The following HOXA10 variants were observed in gnomAD, a reference collection of about 807,000 sequenced individuals.
HOXA10 encodes homeobox protein Hox-A10.
A neutral mutation model predicts 29.7 loss-of-function variants in HOXA10; 12 were observed. That is an observed-to-expected ratio of 0.40 (90% CI 0.26 to 0.65). The LOEUF (loss-of-function observed/expected upper bound fraction) is 0.65, where lower values mean the gene tolerates loss of function less well. Ranked by LOEUF, HOXA10 falls within the 30% of genes least tolerant of loss-of-function variation. HOXA10 has a pLI of 0.37. For synonymous variants in HOXA10, 327 were observed against 280.7 expected, an observed-to-expected ratio of 1.16 and a Z score of -1.65; for missense variants, 656 against 585.9, an observed-to-expected ratio of 1.12 and a Z score of -1.24.
In HOXA10 at chr7:27,173,570, G is replaced by A. The variant is rs1021615518; in HGVS notation, c.737C>T (p.Pro246Leu). The A allele has an allele frequency of 9.5e-6, 14 of 1,467,228 alleles. No individual in the cohort carries two copies. The African/African-American group carries it at 1.5e-4, about 16-fold the overall frequency. 90.9% of individuals were successfully genotyped at this position (1,467,228 alleles called of 1,614,324 possible). Residue 246 changes from proline (P) to leucine (L), a missense_variant, in exon 1 of 2, where the codon CCG (proline) becomes CTG (leucine). Pro to Leu is a moderately conservative substitution (Grantham distance 98). Transcript: ENST00000283921. The part of the protein sequence containing the change: ...LGAGPFPAQP[P>L]GRGFDLPPAL... ...GGGCGGGAGATCGAAACCGCGCCCC[G>A]GGGGCTGCGCGGGGAACGGGCCAGC...
In HOXA10 at chr7:27,174,172, A is replaced by T; in HGVS notation, c.135T>A (p.Gly45=). The T allele has an allele frequency of 6.3e-7, 1 of 1,596,692 alleles. No homozygotes were observed. Among genetic ancestry groups the T allele is most frequent in the South Asian group, 1.1e-5 (1 of 90,180 alleles). The part of the protein sequence containing the change: ...ISSGRGEAGG[G]GGGAGGGGGG... ...CGCCGCCGCCCCCCGCGCCACCACCACCGCCGCCTGCCTCGCCTCTGCCCG... is the reference window on the plus strand; with the variant it reads ...CGCCGCCGCCCCCCGCGCCACCACCTCCGCCGCCTGCCTCGCCTCTGCCCG... Residue 45 remains glycine (G), a synonymous_variant, in exon 1 of 2, where the codon GGT becomes GGA. Transcript: ENST00000283921.
upstream of HOXA10, chr7:27,175,155 C>G (rs1206356193): frequency 6.6e-6 from 1 of 152,236 alleles, no homozygotes; most frequent in African/African-American, 2.4e-5. Context: ...CTCCCAAGGC[C>G]AGAGCCAGAT....
upstream of HOXA10, among the ~76,000 whole-genome samples, chr7:27,177,327 T>C (rs905936435): frequency 6.6e-6 from 1 of 152,228 alleles, no homozygotes; most frequent in Admixed American, 6.5e-5. Flanking sequence ...GAGCTCCTTC[T>C]GGCTTTTAAA....
At position 27,174,258 on chromosome 7, in the gene HOXA10, T is replaced by A; in HGVS notation, c.49A>T (p.Thr17Ser). The stretch of plus-strand genomic sequence containing the variant: ...GCGGGGCTCTCCGAGCATGACATTG[T>A]TGTGGGATAATTTGGCGAAGGGAGC... ...YLLPSPNYPT[T>S]MSCSESPAAN... Residue 17 changes from threonine (T) to serine (S), a missense_variant, in exon 1 of 2, where the codon ACA (threonine) becomes TCA (serine). By Grantham distance (58) the Thr-to-Ser change is moderately conservative. Coordinates refer to ENST00000283921, the MANE Select transcript of HOXA10 (RefSeq NM_018951.4). 6.3e-7 allele frequency: 1 copy of A among 1,599,432 alleles called. No homozygotes were observed. The highest frequency in any genetic ancestry group is 1.1e-5 in the South Asian group (1 of 91,080).
At chr7:27,179,101 C>T (rs1220777473), upstream of HOXA10, among the ~76,000 whole-genome samples, 1 of 152,232 alleles carries the variant, frequency 6.6e-6, no homozygotes, top group African/African-American at 2.4e-5. Context: ...GTCTGGCACT[C>T]TCAAAAATCA....
intron 1 of HOXA10, chr7:27,179,560 A>G: frequency 1.4e-6 from 1 of 735,108 alleles, no homozygotes; most frequent in Non-Finnish European, 2.5e-6. Context: ...AAACCCAGCC[A>G]CGTTCCCGAG....
At chr7:27,178,701 G>A (rs542752854), upstream of HOXA10, among the ~76,000 whole-genome samples, 9 of 152,192 alleles carry the variant, frequency 5.9e-5, no homozygotes, top group Admixed American at 2.6e-4. Flanking sequence ...CAAAATTTAC[G>A]CAACAAACAG....
At chr7:27,172,729 A>G (rs903834165) in intron 1 of HOXA10, 1 of 169,996 alleles carries the variant, frequency 5.9e-6, no homozygotes, top group Non-Finnish European at 1.3e-5. Context: ...CCAGGGATAG[A>G]TAGCTGGGCG....
At chr7:27,173,112 A>C in intron 1 of HOXA10, 1 of 612,170 alleles carries the variant, frequency 1.6e-6, no homozygotes. Context: ...CCTCGTCCCT[A>C]GTCAGGGGGA....
chr7:27,171,412 C>A lies in HOXA10; in HGVS notation c.*487G>T, dbSNP rs573420935. ...AAAAAGAAACCCAGGGGCCTGTATC[C>A]CCTGATTAAACACAGCACAGCACTC... is the stretch of plus-strand genomic sequence containing the variant. On this transcript the variant is annotated 3_prime_UTR_variant, in exon 2 of 2. Coordinates refer to ENST00000283921, the MANE Select transcript of HOXA10 (RefSeq NM_018951.4). 6.6e-6 allele frequency: 3 copies of A among 455,308 alleles called. No individual in the cohort carries two copies. The highest frequency in any genetic ancestry group is 4.7e-5 in the Admixed American group (2 of 42,590). 28.2% of individuals were successfully genotyped at this position (455,308 alleles called of 1,614,324 possible).
chr7:27,177,911 G>A (rs1378675538), upstream of HOXA10, among the ~76,000 whole-genome samples: 1 of 152,128 alleles, frequency 6.6e-6, no homozygotes, highest in Admixed American at 6.5e-5. Context: ...AGGAAATATT[G>A]CCCATTTCTA....
At chr7:27,174,541 G>T (rs1783612478), upstream of HOXA10, among the ~76,000 whole-genome samples, 1 of 152,244 alleles carries the variant, frequency 6.6e-6, no homozygotes, top group African/African-American at 2.4e-5. Context: ...AGCTGTGGGG[G>T]CTGCCCCAAC....
upstream of HOXA10, among the ~76,000 whole-genome samples, chr7:27,178,237 A>G (rs2115456819): frequency 6.6e-6 from 1 of 152,352 alleles, no homozygotes; most frequent in African/African-American, 2.4e-5. Context: ...ATCTGGCTTT[A>G]GCAAAAAAAG....
upstream of HOXA10, chr7:27,174,365 C>G (rs1234704532): frequency 1.2e-5 from 19 of 1,584,360 alleles, 1 homozygote; most frequent in Middle Eastern, 6.6e-4. Flanking sequence ...GGCGGGCGCC[C>G]GCAGCCAATC....
At position 27,171,726 on chromosome 7, in the gene HOXA10, A is replaced by C. The variant is rs773536601; in HGVS notation, c.*173T>G. On this transcript the variant is annotated 3_prime_UTR_variant, in exon 2 of 2. Coordinates refer to ENST00000283921, the MANE Select transcript of HOXA10 (RefSeq NM_018951.4). ...AACCAGCACCAAGCAAACACAAAGA[A>C]ACAAAAAGTCAGAACAAACCAGCCC... 1 of 775,998 alleles carries C rather than the reference A, an allele frequency of 1.3e-6. No individual in the cohort carries two copies. Among genetic ancestry groups the C allele is most frequent in the Non-Finnish European group, 2.3e-6 (1 of 429,520 alleles). 48.1% of individuals were successfully genotyped at this position (775,998 alleles called of 1,614,324 possible).
At position 27,173,863 on chromosome 7, in the gene HOXA10, G is replaced by C; in HGVS notation, c.444C>G (p.Pro148=). The change falls in exon 1 of 2, where the codon CCC becomes CCG. Residue 148 remains proline (P), a synonymous_variant. Transcript: ENST00000283921. The part of the protein sequence containing the change: ...QQQPPPPPQP[P]QPAPQATSCS... ...ACGAGGTGGCCTGCGGCGCTGGCTG[G>C]GGTGGTTGCGGCGGGGGCGGCGGCT... The C allele has an allele frequency of 1.3e-6, 2 of 1,599,140 alleles. No homozygotes were observed. Among genetic ancestry groups the C allele is most frequent in the East Asian group, 2.3e-5 (1 of 43,758 alleles).
At position 27,173,805 on chromosome 7, in the gene HOXA10, A is replaced by C; in HGVS notation, c.502T>G (p.Ser168Ala). The C allele has an allele frequency of 6.2e-7, 1 of 1,611,262 alleles. No individual in the cohort carries two copies. Among genetic ancestry groups the C allele is most frequent in the East Asian group, 2.2e-5 (1 of 44,756 alleles). ...TCCGCCGAGTCGTAGAGGCAGTAGG[A>C]GCTCTCTTCTTTGATGTTCTGCGCG... ...SFAQNIKEESSYCLYDSADKC... is the reference protein window; with the variant it reads ...SFAQNIKEESAYCLYDSADKC... Residue 168 changes from serine (S) to alanine (A), a missense_variant, in exon 1 of 2, where the codon TCC (serine) becomes GCC (alanine). Coordinates refer to ENST00000283921, the MANE Select transcript of HOXA10 (RefSeq NM_018951.4).
At position 27,173,808 on chromosome 7, in the gene HOXA10, T is replaced by G; in HGVS notation, c.499A>C (p.Ser167Arg). The change falls in exon 1 of 2, where the codon AGC (serine) becomes CGC (arginine). Residue 167 changes from serine to arginine, a missense_variant. Physicochemically the swap from Ser to Arg is moderately radical, Grantham distance 110 (BLOSUM62 -1). Transcript: ENST00000283921. ...CSFAQNIKEE[S>R]SYCLYDSADK... ...GCCGAGTCGTAGAGGCAGTAGGAGC[T>G]CTCTTCTTTGATGTTCTGCGCGAAA... 6.2e-7 allele frequency: 1 copy of G among 1,611,298 alleles called. No individual in the cohort carries two copies. Among genetic ancestry groups the G allele is most frequent in the South Asian group, 1.1e-5 (1 of 90,796 alleles).
chr7:27,174,166 A>G lies in HOXA10; in HGVS notation c.141T>C (p.Gly47=), dbSNP rs1477239396. The change falls in exon 1 of 2, where the codon GGT becomes GGC. Residue 47 remains glycine (G), a synonymous_variant. Coordinates refer to ENST00000283921, the MANE Select transcript of HOXA10 (RefSeq NM_018951.4). The part of the protein sequence containing the change: ...SGRGEAGGGG[G]GAGGGGGGGY... ...CGCCACCGCCGCCGCCCCCCGCGCC[A>G]CCACCACCGCCGCCTGCCTCGCCTC... 4 of 1,596,572 alleles carry G rather than the reference A, an allele frequency of 2.5e-6. No homozygotes were observed. Among genetic ancestry groups the G allele is most frequent in the African/African-American group, 2.7e-5 (2 of 74,920 alleles).
Sources: allele counts gnomAD v4.1 joint callset (sites outside exome capture counted in the v4.1 genomes callset), GRCh38; gene constraint gnomAD v4.1.1; transcripts MANE v1.5; gene names NCBI Gene and HGNC (gene_info 2026-07-23, HGNC 2026-07-21).